Variants in MBD5 observed in about 807,000 individuals in gnomAD.
MBD5 encodes the protein methyl-CpG binding domain protein 5, also known as methyl-CpG-binding domain protein 5.
A neutral mutation model predicts 117.3 loss-of-function variants in MBD5; 13 were observed. The ratio of observed to expected loss-of-function variants is 0.11; its 90% CI spans 0.07 to 0.18. MBD5 has a LOEUF of 0.18. Among genes scored for constraint, MBD5 ranks in the 10% least tolerant of loss-of-function variants. MBD5 has a pLI of 1.00. For synonymous variants in MBD5, 727 were observed against 766.4 expected (o/e 0.95, Z 0.85); for missense variants, 1,879 against 2,093.8 (o/e 0.90, Z 2.00).
intron 2 of MBD5, among the ~76,000 whole-genome samples, chr2:148,204,564 A>T (rs181687422): frequency 6.6e-5 from 10 of 152,362 alleles, no homozygotes; most frequent in African/African-American, 2.2e-4. Flanking sequence ...TACATTAAAC[A>T]TGAAGAAAGA....
intron 4 of MBD5, among the ~76,000 whole-genome samples, chr2:148,455,015 C>G (rs182930836): frequency 2.7e-3 from 418 of 152,190 alleles, no homozygotes; most frequent in Non-Finnish European, 4.1e-3. Context: ...TTGTTTGTAT[C>G]CTCGCCTATT....
At chr2:148,493,106 G>A (rs987869693) in intron 11 of MBD5, among the ~76,000 whole-genome samples, 2 of 152,322 alleles carry the variant, frequency 1.3e-5, no homozygotes, top group Admixed American at 6.5e-5. Context: ...CAGAAAGGCA[G>A]AGACTAGGTC....
chr2:148,333,281 A>T (rs2105071621), intron 3 of MBD5, among the ~76,000 whole-genome samples: 1 of 152,262 alleles, frequency 6.6e-6, no homozygotes, highest in East Asian at 1.9e-4. Flanking sequence ...GGATACCTCG[A>T]TAACATGTAA....
At chr2:148,367,488 A>G (rs1703735447) in intron 4 of MBD5, among the ~76,000 whole-genome samples, 1 of 152,240 alleles carries the variant, frequency 6.6e-6, no homozygotes, top group Non-Finnish European at 1.5e-5. Context: ...GGATCTAATT[A>G]AACTAAAGAG....
intron 1 of MBD5, among the ~76,000 whole-genome samples, chr2:148,081,828 T>C (rs1695655469): frequency 2.0e-5 from 3 of 152,176 alleles, no homozygotes; most frequent in South Asian, 4.1e-4. Context: ...CTGTAACTTA[T>C]GGTTTTGTGG....
At chr2:148,115,675 A>G (rs1333145934) in intron 1 of MBD5, among the ~76,000 whole-genome samples, 2 of 151,990 alleles carry the variant, frequency 1.3e-5, no homozygotes, top group Non-Finnish European at 1.5e-5. Flanking sequence ...ATTTTTCCTA[A>G]TTTATCATAT....
intron 3 of MBD5, among the ~76,000 whole-genome samples, chr2:148,314,395 T>TTTGG (rs1702109525): frequency 7.6e-6 from 1 of 131,828 alleles, no homozygotes; most frequent in Non-Finnish European, 1.7e-5. Context: ...TTTTTTTTTT[T>TTTGG]GAGACAGAGT....
Position 148,061,353 on chromosome 2 carries a change from A to G in MBD5, c.-925+39669A>G, listed in dbSNP as rs117861967. 9.2e-4 allele frequency among the ~76,000 whole-genome samples: 140 copies of G among 152,132 alleles called. 3 individuals are homozygous for G. In the East Asian group the frequency reaches 0.025, roughly 28 times the overall value. On this transcript the variant is annotated intron_variant, in intron 1 of 13. Transcript: ENST00000642680. ...TTTAAGTCCACTTTATGCTTACTTT[A>G]GCAAATCTAGGAAATATTTAAAATT... is the stretch of plus-strand genomic sequence containing the variant.
chr2:148,326,764 C>T (rs1295551745), intron 3 of MBD5, among the ~76,000 whole-genome samples: 3 of 151,890 alleles, frequency 2.0e-5, no homozygotes, highest in Admixed American at 6.6e-5. Flanking sequence ...GAATACAGCA[C>T]ACTGATGGGT....
Position 148,027,235 on chromosome 2 carries a change from C to T in MBD5, c.-925+5551C>T, listed in dbSNP as rs531317976. On this transcript the variant is annotated intron_variant, in intron 1 of 13. Transcript: ENST00000642680. The stretch of plus-strand genomic sequence containing the variant: ...TATATAGGATTAAGTTTAATGTACT[C>T]TTTTTAGTACTAAAGTCAGAAATAT... 23 of 152,162 alleles carry T rather than the reference C, an allele frequency of 1.5e-4. 1 individual carries two copies. The South Asian group carries it at 4.6e-3, about 30-fold the overall frequency. The allele number at this position is 152,162 out of a possible 1,614,324, so 9.4% of individuals were successfully genotyped here.
intron 3 of MBD5, among the ~76,000 whole-genome samples, chr2:148,258,987 G>T (rs1000949587): frequency 6.6e-6 from 1 of 152,142 alleles, no homozygotes; most frequent in African/African-American, 2.4e-5. Context: ...AAGGCACTCA[G>T]GGGTGCAGAA....
At chr2:148,144,068 G>T (rs1697384143) in intron 1 of MBD5, among the ~76,000 whole-genome samples, 1 of 152,148 alleles carries the variant, frequency 6.6e-6, no homozygotes, top group African/African-American at 2.4e-5. Flanking sequence ...CACCAACAGT[G>T]TAAAAGTGTT....
intron 4 of MBD5, among the ~76,000 whole-genome samples, chr2:148,424,214 A>AG (rs1705706351): frequency 3.5e-5 from 5 of 144,094 alleles, no homozygotes; most frequent in African/African-American, 1.3e-4. Flanking sequence ...AAAAAAAAAA[A>AG]AACAGCAGAG....
intron 1 of MBD5, among the ~76,000 whole-genome samples, chr2:148,024,741 A>G (rs1441619933): frequency 6.6e-6 from 1 of 152,200 alleles, no homozygotes; most frequent in Admixed American, 6.5e-5. Context: ...TTCCCTTCTT[A>G]TACAGGAAGC....
chr2:148,271,843 T>C (rs1700994087), intron 3 of MBD5, among the ~76,000 whole-genome samples: 1 of 152,158 alleles, frequency 6.6e-6, no homozygotes, highest in Non-Finnish European at 1.5e-5. Flanking sequence ...ACAAAATACA[T>C]TTGTATTAAC....
intron 1 of MBD5, among the ~76,000 whole-genome samples, chr2:148,033,270 A>G (rs1339396351): frequency 6.6e-6 from 1 of 152,202 alleles, no homozygotes; most frequent in Non-Finnish European, 1.5e-5. Flanking sequence ...ACAGATGCCA[A>G]CTTTATTTTG....
chr2:148,358,927 G>C (rs1309814976), intron 4 of MBD5, among the ~76,000 whole-genome samples: 1 of 152,134 alleles, frequency 6.6e-6, no homozygotes, highest in Non-Finnish European at 1.5e-5. Context: ...GCATAGAGTA[G>C]CAGTAAGTTA....
At chr2:148,048,150 C>T (rs1251825362) in intron 1 of MBD5, among the ~76,000 whole-genome samples, 1 of 151,974 alleles carries the variant, frequency 6.6e-6, no homozygotes, top group Non-Finnish European at 1.5e-5. Flanking sequence ...ATCATTTTAC[C>T]TGTTCAAAAA....
At chr2:148,275,830 A>G (rs6430307) in intron 3 of MBD5, among the ~76,000 whole-genome samples, 143,050 of 152,078 alleles carry the variant, frequency 0.94, 67,857 homozygotes, top group East Asian at 1. Context: ...GAATTTGTCA[A>G]AACAGTCTTC....
Sources: gnomAD v4.1 joint callset for allele counts (sites outside exome capture counted in the v4.1 genomes callset) on GRCh38, gnomAD v4.1.1 for gene constraint, MANE v1.5 for transcripts, NCBI Gene and HGNC (gene_info 2026-07-23, HGNC 2026-07-21) for gene names.